LRBA: variants seen among roughly 807,000 people sequenced by gnomAD.
LRBA encodes the protein LPS responsive beige-like anchor protein.
A neutral mutation model predicts 330.0 loss-of-function variants in LRBA; 176 were observed. The observed-to-expected ratio is 0.53, with a 90% confidence interval of 0.47 to 0.60. The LOEUF (loss-of-function observed/expected upper bound fraction) is 0.60, where lower values mean the gene tolerates loss of function less well. Ranked by LOEUF, LRBA falls within the 20% of genes least tolerant of loss-of-function variation. LRBA has a pLI of 0.00. For synonymous variants in LRBA, 1,230 were observed against 1,193.0 expected, an observed-to-expected ratio of 1.03 and a Z score of -0.64; for missense variants, 3,259 against 3,444.8, an observed-to-expected ratio of 0.95 and a Z score of 1.35.
chr4:150,973,432 G>T (rs987433287), intron 2 of LRBA, among the ~76,000 whole-genome samples: 1 of 152,182 alleles, frequency 6.6e-6, no homozygotes, highest in Non-Finnish European at 1.5e-5. Flanking sequence ...CTCCCAAAGT[G>T]CTGGTATTAC....
intron 34 of LRBA, among the ~76,000 whole-genome samples, chr4:150,792,063 T>C (rs1165491410): frequency 1.3e-5 from 2 of 151,266 alleles, no homozygotes; most frequent in Non-Finnish European, 2.9e-5. Context: ...AAGGCTTATT[T>C]CTATTTTGAT....
chr4:150,551,130 T>A (rs921877058), intron 40 of LRBA, among the ~76,000 whole-genome samples: 1 of 152,134 alleles, frequency 6.6e-6, no homozygotes. Context: ...AGACCCCTCT[T>A]GCTCTCTCTG....
chr4:150,535,031 T>C (rs1023870163), intron 40 of LRBA, among the ~76,000 whole-genome samples: 5 of 152,216 alleles, frequency 3.3e-5, no homozygotes, highest in African/African-American at 1.2e-4. Flanking sequence ...TTTAAAAATA[T>C]TGTTTATACC....
chr4:150,618,417 A>T (rs1233459074), intron 37 of LRBA, among the ~76,000 whole-genome samples: 1 of 152,192 alleles, frequency 6.6e-6, no homozygotes, highest in Non-Finnish European at 1.5e-5. Context: ...CATAAATGAA[A>T]TGTAAAAATA....
At position 150,387,874 on chromosome 4, in the gene LRBA, T is replaced by A. The variant is rs528848572; in HGVS notation, c.7194+27564A>T. On this transcript the variant is annotated intron_variant, in intron 47 of 56. Coordinates refer to ENST00000651943, the MANE Select transcript of LRBA (RefSeq NM_001364905.1). ...CTTTGGAAAATTAAGATTTGACAGCTATTACAGGTAGAGTATAGAAGGGAT... is the reference window on the plus strand; with the variant it reads ...CTTTGGAAAATTAAGATTTGACAGCAATTACAGGTAGAGTATAGAAGGGAT... Among the ~76,000 whole-genome samples the A allele has an allele frequency of 4.6e-5, 7 of 152,314 alleles. No homozygotes were observed. In the South Asian group the frequency reaches 1.5e-3, roughly 32 times the overall value.
intron 36 of LRBA, among the ~76,000 whole-genome samples, chr4:150,691,422 TATACAA>T (rs1784128233): frequency 6.6e-6 from 1 of 152,134 alleles, no homozygotes; most frequent in African/African-American, 2.4e-5. Context: ...TCACAAAAGA[TATACAA>T]ATGGCTAATA....
chr4:150,486,266 G>GA (rs200025360), intron 42 of LRBA, among the ~76,000 whole-genome samples: 4 of 150,818 alleles, frequency 2.7e-5, no homozygotes, highest in Admixed American at 6.6e-5. Flanking sequence ...TACTGCAAAA[G>GA]AAAAAAAAGG....
chr4:150,536,463 T>C (rs553296640), intron 40 of LRBA, among the ~76,000 whole-genome samples: 1 of 152,322 alleles, frequency 6.6e-6, no homozygotes, highest in African/African-American at 2.4e-5. Context: ...TGAATTTCAA[T>C]TGCGGTCGAT....
intron 40 of LRBA, among the ~76,000 whole-genome samples, chr4:150,540,383 C>T (rs1417149371): frequency 2.6e-5 from 4 of 152,098 alleles, no homozygotes; most frequent in South Asian, 4.1e-4. Flanking sequence ...TTAGCAGAGA[C>T]GGGGTTTCAC....
chr4:150,816,559 T>C (rs1744622195), intron 31 of LRBA, among the ~76,000 whole-genome samples: 1 of 151,880 alleles, frequency 6.6e-6, no homozygotes, highest in African/African-American at 2.4e-5. Flanking sequence ...GAAGGAGAGA[T>C]GGACAAAAAT....
intron 2 of LRBA, among the ~76,000 whole-genome samples, chr4:150,973,557 T>C (rs1264325147): frequency 6.6e-6 from 1 of 152,244 alleles, no homozygotes; most frequent in Non-Finnish European, 1.5e-5. Flanking sequence ...GCATAATGTA[T>C]AGAATCAAAT....
At chr4:150,378,719 C>CG (rs1357213413) in intron 47 of LRBA, among the ~76,000 whole-genome samples, 1 of 152,138 alleles carries the variant, frequency 6.6e-6, no homozygotes, top group Non-Finnish European at 1.5e-5. Context: ...GTAAGTTAAA[C>CG]ATACAGGTAA....
intron 33 of LRBA, 103 bp downstream of exon 33, chr4:150,806,168 G>T: frequency 1.2e-6 from 1 of 849,172 alleles, no homozygotes; most frequent in Non-Finnish European, 1.7e-6. Context: ...GTCAAAGGCT[G>T]ACAACACTTA....
chr4:150,709,508 C>A (rs1785970882), intron 36 of LRBA, among the ~76,000 whole-genome samples: 1 of 151,912 alleles, frequency 6.6e-6, no homozygotes, highest in African/African-American at 2.4e-5. Flanking sequence ...CTTTCTCATG[C>A]ATAATCCATT....
chr4:150,503,995 A>C (rs1368497363), intron 40 of LRBA, among the ~76,000 whole-genome samples: 1 of 152,250 alleles, frequency 6.6e-6, no homozygotes, highest in African/African-American at 2.4e-5. Flanking sequence ...GGTATCAGTG[A>C]TGGAAGACAA....
chr4:150,470,427 G>C (rs541700394), intron 43 of LRBA, among the ~76,000 whole-genome samples: 16 of 152,070 alleles, frequency 1.1e-4, no homozygotes, highest in African/African-American at 3.6e-4. Flanking sequence ...ATATGCAAGA[G>C]AATTTCCCTG....
intron 47 of LRBA, among the ~76,000 whole-genome samples, chr4:150,382,622 C>CAAA (rs112630500): frequency 0.16 from 17,817 of 111,180 alleles, 1,163 homozygotes; most frequent in Middle Eastern, 0.23. Context: ...GACTCTGTTT[C>CAAA]AAAAAAAAAA....
chr4:150,758,021 T>C (rs1734548237), intron 35 of LRBA, among the ~76,000 whole-genome samples: 1 of 152,156 alleles, frequency 6.6e-6, no homozygotes, highest in Non-Finnish European at 1.5e-5. Context: ...AATAAATTAT[T>C]CAAACAACTG....
intron 2 of LRBA, among the ~76,000 whole-genome samples, chr4:150,947,563 C>A (rs895155670): frequency 1.3e-5 from 2 of 151,912 alleles, no homozygotes; most frequent in Admixed American, 1.3e-4. Flanking sequence ...ATAAAACCTA[C>A]GACTAACATT....
Sources: gnomAD v4.1 joint callset for allele counts (sites outside exome capture counted in the v4.1 genomes callset) on GRCh38, gnomAD v4.1.1 for gene constraint, MANE v1.5 for transcripts, NCBI Gene and HGNC (gene_info 2026-07-23, HGNC 2026-07-21) for gene names.